The following ABCB11 variants were observed in gnomAD, a reference collection of about 807,000 sequenced individuals.
The protein encoded by ABCB11 is ATP binding cassette subfamily B member 11, also known as bile salt export pump.
ABCB11 carries 95 observed loss-of-function variants against 148.0 expected under a neutral mutation model. The observed-to-expected ratio is 0.64, with a 90% CI of 0.54 to 0.76. The LOEUF is 0.76. Among genes scored for constraint, ABCB11 ranks in the 30% least tolerant of loss-of-function variants. The pLI, the probability that ABCB11 is intolerant of heterozygous loss-of-function variation, is 0.00. For missense variants in ABCB11, 1,523 were observed against 1,617.8 expected (o/e 0.94, Z 1.01); for synonymous variants, 591 against 555.4 (o/e 1.06, Z -0.90).
At chr2:169,002,321 A>G (rs555512761) in intron 5 of ABCB11, among the ~76,000 whole-genome samples, 1 of 152,176 alleles carries the variant, frequency 6.6e-6, no homozygotes, top group Non-Finnish European at 1.5e-5. Flanking sequence ...AAGAATGTGG[A>G]AAAAAGGGAA....
Position 168,963,233 on chromosome 2 carries a change from T to C in ABCB11, c.2178+973A>G, listed in dbSNP as rs73018728. Among the ~76,000 whole-genome samples, 274 of 151,938 alleles carry C rather than the reference T, an allele frequency of 1.8e-3. 2 individuals carry two copies. The highest frequency in any genetic ancestry group is 6.1e-3 in the African/African-American group (254 of 41,524). On this transcript the variant is annotated intron_variant, in intron 18 of 27. Coordinates refer to ENST00000650372, the MANE Select transcript of ABCB11 (RefSeq NM_003742.4). ...TTATTGTAGAAATTCATGTTTTCAT[T>C]CTAATTTTTAAAATCTCCTGATGCC...
Position 168,923,540 on chromosome 2 carries a change from C to A in ABCB11, c.*82G>T, listed in dbSNP as rs967153175. The stretch of plus-strand genomic sequence containing the variant: ...TTAAAGAAAAAACAATCCCAGCAAT[C>A]CCTCCTGCTGGGATTGTTTTTTTCT... On this transcript the variant is annotated 3_prime_UTR_variant, in exon 28 of 28. Transcript: ENST00000650372. 10 of 1,233,576 alleles carry A rather than the reference C, an allele frequency of 8.1e-6. No homozygotes were observed. The highest frequency in any genetic ancestry group is 1.0e-5 in the Non-Finnish European group (9 of 858,336). The allele number at this position is 1,233,576 out of a possible 1,614,324, so 76.4% of individuals were successfully genotyped here.
At chr2:168,955,883 G>T (rs1367789443) in intron 19 of ABCB11, among the ~76,000 whole-genome samples, 1 of 151,612 alleles carries the variant, frequency 6.6e-6, no homozygotes, top group Non-Finnish European at 1.5e-5. Flanking sequence ...GGAGAAATTG[G>T]CCAAAACAAA....
intron 25 of ABCB11, among the ~76,000 whole-genome samples, chr2:168,930,414 T>C (rs1691512993): frequency 6.6e-6 from 1 of 152,258 alleles, no homozygotes; most frequent in African/African-American, 2.4e-5. Flanking sequence ...TCTCCAGCTT[T>C]GCAGTGTGCC....
intron 9 of ABCB11, among the ~76,000 whole-genome samples, chr2:168,989,335 C>T (rs967369582): frequency 6.6e-6 from 1 of 152,084 alleles, no homozygotes; most frequent in African/African-American, 2.4e-5. Context: ...TTTCATTCTT[C>T]TGCATGTGGA....
intron 1 of ABCB11, among the ~76,000 whole-genome samples, chr2:169,018,428 T>G (rs1431141351): frequency 6.6e-6 from 1 of 152,218 alleles, no homozygotes; most frequent in Non-Finnish European, 1.5e-5. Flanking sequence ...TTGATAAATT[T>G]TCCTCTAGTT....
chr2:168,941,058 G>A (rs75042652), intron 21 of ABCB11, among the ~76,000 whole-genome samples: 2 of 152,054 alleles, frequency 1.3e-5, no homozygotes, highest in Admixed American at 1.3e-4. Flanking sequence ...TGTACAAGGA[G>A]ATGAATGTTG....
chr2:168,977,399 G>A (rs1402830463), intron 11 of ABCB11, among the ~76,000 whole-genome samples: 1 of 152,092 alleles, frequency 6.6e-6, no homozygotes, highest in Admixed American at 6.6e-5. Context: ...TTAAAACTGA[G>A]TGTTCCTAAA....
In ABCB11 at chr2:168,944,716, T is replaced by G. The variant is rs749186418; in HGVS notation, c.2499A>C (p.Lys833Asn). The change falls in exon 21 of 28, where the codon AAA (lysine) becomes AAC (asparagine). Residue 833 changes from lysine (K) to asparagine (N), a missense_variant. Physicochemically the swap from Lys to Asn is moderately conservative, Grantham distance 94. Transcript: ENST00000650372. ...GCCCCAGCATTGCCCTGAAACCAAATTTACGTAGCCTTTTTGTTAGGAGCT... is the reference window on the plus strand; with the variant it reads ...GCCCCAGCATTGCCCTGAAACCAAAGTTACGTAGCCTTTTTGTTAGGAGCT... ...SGELLTKRLR[K>N]FGFRAMLGQD... is the part of the protein sequence containing the mutation. 4 of 1,612,824 alleles carry G rather than the reference T, an allele frequency of 2.5e-6. No individual in the cohort carries two copies. In the East Asian group the frequency reaches 8.9e-5, roughly 36 times the overall value.
chr2:168,970,510 G>T, intron 14 of ABCB11: 2 of 544,832 alleles, frequency 3.7e-6, no homozygotes, highest in Non-Finnish European at 6.1e-6. Context: ...ATTGGTCACG[G>T]TCCTAAATAT....
chr2:168,982,775 A>AGAGC (rs1196406482), intron 10 of ABCB11, among the ~76,000 whole-genome samples: 9 of 152,080 alleles, frequency 5.9e-5, no homozygotes, highest in African/African-American at 9.7e-5. Flanking sequence ...CCTGAGAGAG[A>AGAGC]GAGCGAGCGA....
At chr2:168,970,682 C>T (rs1693546587) in intron 14 of ABCB11, 1 of 286,184 alleles carries the variant, frequency 3.5e-6, no homozygotes, top group Non-Finnish European at 6.8e-6. Context: ...GATTATCTCA[C>T]AGGCCTAGCA....
Position 168,993,769 on chromosome 2 carries a change from G to A in ABCB11, c.725C>T (p.Thr242Ile), listed in dbSNP as rs1436964715. ...LLGFFRGWKL[T>I]LVIISVSPLI... ...AGGGCTGACAGAAATAATAACCAAG[G>A]TCAGTTTCCAACCCCTGAAAAATCC... is the stretch of plus-strand genomic sequence containing the variant. Residue 242 changes from threonine (T) to isoleucine (I), a missense_variant, in exon 8 of 28, where the codon ACC (threonine) becomes ATC (isoleucine). Coordinates refer to ENST00000650372, the MANE Select transcript of ABCB11 (RefSeq NM_003742.4). 3 of 1,610,618 alleles carry A rather than the reference G, an allele frequency of 1.9e-6. No homozygotes were observed. Among genetic ancestry groups the A allele is most frequent in the African/African-American group, 1.3e-5 (1 of 74,796 alleles).
At chr2:169,010,294 A>G (rs189305932) in intron 5 of ABCB11, among the ~76,000 whole-genome samples, 154 of 152,156 alleles carry the variant, frequency 1.0e-3, no homozygotes, top group African/African-American at 3.5e-3. Flanking sequence ...CTATTCCTTC[A>G]TCTGCTTTCA....
At chr2:168,978,044 A>T (rs1361070308) in intron 11 of ABCB11, among the ~76,000 whole-genome samples, 2 of 150,406 alleles carry the variant, frequency 1.3e-5, no homozygotes, top group Non-Finnish European at 3.0e-5. Context: ...AAATGCCTTA[A>T]TTTTTTAGTT....
chr2:168,967,334 A>G (rs1693362917), intron 17 of ABCB11, among the ~76,000 whole-genome samples: 1 of 151,930 alleles, frequency 6.6e-6, no homozygotes, highest in Non-Finnish European at 1.5e-5. Context: ...ATTTGTTTGA[A>G]TAAACTTGTT....
At chr2:168,988,540 A>G (rs771848933) in intron 9 of ABCB11, among the ~76,000 whole-genome samples, 3 of 152,146 alleles carry the variant, frequency 2.0e-5, no homozygotes, top group Non-Finnish European at 4.4e-5. Context: ...GGTTGATTCC[A>G]TACCTTGGCT....
chr2:168,930,792 A>G lies in ABCB11; in HGVS notation c.3284T>C (p.Val1095Ala), dbSNP rs1194728251. 1 of 1,613,740 alleles carries G rather than the reference A, an allele frequency of 6.2e-7. No individual in the cohort carries two copies. Among genetic ancestry groups the G allele is most frequent in the African/African-American group, 1.3e-5 (1 of 75,066 alleles). Residue 1095 changes from valine (V) to alanine (A), a missense_variant, in exon 25 of 28, where the codon GTT (valine) becomes GCT (alanine). Coordinates refer to ENST00000650372, the MANE Select transcript of ABCB11 (RefSeq NM_003742.4). ...AATCGACACTGAGAGACCATTCAGAACTTGCGAGTCAGGTCGAGAAGGATA... is the reference window on the plus strand; with the variant it reads ...AATCGACACTGAGAGACCATTCAGAGCTTGCGAGTCAGGTCGAGAAGGATA... ...FTYPSRPDSQ[V>A]LNGLSVSISP... is the part of the protein sequence containing the mutation.
chr2:168,975,969 G>A (rs1347786473), intron 12 of ABCB11, among the ~76,000 whole-genome samples: 1 of 151,900 alleles, frequency 6.6e-6, no homozygotes, highest in Non-Finnish European at 1.5e-5. Flanking sequence ...TTATTCAGGG[G>A]TAGTAGATCC....
Sources: allele counts gnomAD v4.1 joint callset (sites outside exome capture counted in the v4.1 genomes callset), GRCh38; gene constraint gnomAD v4.1.1; transcripts MANE v1.5; gene names NCBI Gene and HGNC (gene_info 2026-07-23, HGNC 2026-07-21).